RPRD2: variants seen among roughly 807,000 people sequenced by gnomAD.
The protein encoded by RPRD2 is regulation of nuclear pre-mRNA domain containing 2, also known as regulation of nuclear pre-mRNA domain-containing protein 2.
Under a neutral mutation model 104.4 loss-of-function variants are expected in RPRD2, and 12 were observed. The ratio of observed to expected loss-of-function variants is 0.11; its 90% CI spans 0.07 to 0.19. The LOEUF (loss-of-function observed/expected upper bound fraction) is 0.19. RPRD2 is among the 10% of genes least tolerant of loss of function. RPRD2 has a pLI of 1.00. For synonymous variants in RPRD2, 714 were observed against 684.9 expected, an observed-to-expected ratio of 1.04 and a Z score of -0.66; for missense variants, 1,543 against 1,790.1, an observed-to-expected ratio of 0.86 and a Z score of 2.49.
At chr1:150,430,165 T>C (rs587696604) in intron 2 of RPRD2, among the ~76,000 whole-genome samples, 8 of 152,264 alleles carry the variant, frequency 5.3e-5, no homozygotes, top group Non-Finnish European at 8.8e-5. Context: ...CCTTCCCAAA[T>C]GAGTTTCAGA....
intron 7 of RPRD2, among the ~76,000 whole-genome samples, chr1:150,456,446 GTGA>G (rs1448647153): frequency 9.9e-5 from 15 of 152,028 alleles, no homozygotes; most frequent in African/African-American, 3.6e-4. Context: ...AGCAATGTAC[GTGA>G]TTAATAATAG....
At chr1:150,455,230 G>A (rs1553897323) in intron 7 of RPRD2, among the ~76,000 whole-genome samples, 2 of 152,108 alleles carry the variant, frequency 1.3e-5, no homozygotes, top group Non-Finnish European at 2.9e-5. Flanking sequence ...CAGGCCGGGC[G>A]CGATGGCTTA....
In RPRD2 at chr1:150,470,725, T is replaced by A. The variant is rs1668532538; in HGVS notation, c.1777T>A (p.Ser593Thr). ...TTTTATTCCCAAAAGCTTCAACTATTCTCCTAACTCATCAACTTCTGAAGT... is the reference window on the plus strand; with the variant it reads ...TTTTATTCCCAAAAGCTTCAACTATACTCCTAACTCATCAACTTCTGAAGT... The part of the protein sequence containing the change: ...QPFIPKSFNY[S>T]PNSSTSEVSS... Residue 593 changes from serine (S) to threonine (T), a missense_variant, in exon 11 of 11, where the codon TCT (serine) becomes ACT (threonine). By Grantham distance (58) the Ser-to-Thr change is moderately conservative. This residue lies in a region of RPRD2 where 572 missense variants were observed against 787.3 expected (regional missense o/e 0.73). Coordinates refer to ENST00000369068, the MANE Select transcript of RPRD2 (RefSeq NM_015203.5). 6.2e-7 allele frequency: 1 copy of A among 1,613,846 alleles called. No homozygotes were observed. The highest frequency in any genetic ancestry group is 8.5e-7 in the Non-Finnish European group (1 of 1,179,882).
chr1:150,468,368 A>T (rs998885357), intron 10 of RPRD2, among the ~76,000 whole-genome samples: 9 of 150,822 alleles, frequency 6.0e-5, no homozygotes, highest in Middle Eastern at 3.4e-3. Flanking sequence ...AAAAAAAAAG[A>T]TTGGAGAACA....
Position 150,476,535 on chromosome 1 carries a change from T to G in RPRD2, c.*3201T>G, listed in dbSNP as rs1185670305. The G allele has an allele frequency of 1.3e-5, 2 of 152,234 alleles. No individual in the cohort carries two copies. Among genetic ancestry groups the G allele is most frequent in the African/African-American group, 4.8e-5 (2 of 41,464 alleles). 9.4% of individuals were successfully genotyped at this position (152,234 alleles called of 1,614,324 possible). ...AATGAAATCCTTTTGAAATGTGTGTTAATATCGTTTAATAAAATAACTAGT... is the reference window on the plus strand; with the variant it reads ...AATGAAATCCTTTTGAAATGTGTGTGAATATCGTTTAATAAAATAACTAGT... On this transcript the variant is annotated 3_prime_UTR_variant, in exon 11 of 11. Coordinates refer to ENST00000369068, the MANE Select transcript of RPRD2 (RefSeq NM_015203.5).
chr1:150,467,593 C>T (rs587649863), intron 10 of RPRD2, among the ~76,000 whole-genome samples: 6 of 152,004 alleles, frequency 3.9e-5, no homozygotes, highest in South Asian at 4.2e-4. Flanking sequence ...AGGCTGGTCT[C>T]GAACTCCTGA....
chr1:150,411,854 G>A (rs1215482395), intron 1 of RPRD2, among the ~76,000 whole-genome samples: 3 of 149,980 alleles, frequency 2.0e-5, no homozygotes, highest in Non-Finnish European at 3.0e-5. Flanking sequence ...GGCTAGGCGC[G>A]GTGGCTCACG....
chr1:150,419,036 G>C (rs1553889103), intron 2 of RPRD2, among the ~76,000 whole-genome samples: 1 of 152,012 alleles, frequency 6.6e-6, no homozygotes, highest in East Asian at 1.9e-4. Context: ...CAAAACCACA[G>C]CATTTCCTAA....
At chr1:150,393,511 A>AG (rs1171886051) in intron 1 of RPRD2, among the ~76,000 whole-genome samples, 3 of 149,912 alleles carry the variant, frequency 2.0e-5, no homozygotes, top group Non-Finnish European at 4.5e-5. Flanking sequence ...AAGACTGTTG[A>AG]GGAGCAGTAT....
intron 1 of RPRD2, among the ~76,000 whole-genome samples, chr1:150,377,210 GA>G (rs1442392297): frequency 6.7e-6 from 1 of 148,492 alleles, no homozygotes; most frequent in South Asian, 2.1e-4. Context: ...ACTATCTCCA[GA>G]AAAAAAAAGA....
intron 2 of RPRD2, among the ~76,000 whole-genome samples, chr1:150,423,037 T>G (rs1664870442): frequency 6.6e-6 from 1 of 152,246 alleles, no homozygotes. Flanking sequence ...GTATTTTAGA[T>G]ATACTAGTTA....
At chr1:150,394,842 A>G (rs1662366685) in intron 1 of RPRD2, among the ~76,000 whole-genome samples, 1 of 152,172 alleles carries the variant, frequency 6.6e-6, no homozygotes, top group African/African-American at 2.4e-5. Context: ...CGGCCTCCCA[A>G]AGTGTTGGGA....
At chr1:150,458,805 G>A (rs1202466487) in intron 8 of RPRD2, among the ~76,000 whole-genome samples, 2 of 151,846 alleles carry the variant, frequency 1.3e-5, no homozygotes, top group Non-Finnish European at 2.9e-5. Flanking sequence ...CACCACACCC[G>A]GCTATTTTTT....
chr1:150,426,079 C>T (rs1467950876), intron 2 of RPRD2, among the ~76,000 whole-genome samples: 1 of 152,032 alleles, frequency 6.6e-6, no homozygotes, highest in Non-Finnish European at 1.5e-5. Flanking sequence ...CTGCCTTGAG[C>T]GACAGAGTGA....
chr1:150,421,332 A>G (rs951603908), intron 2 of RPRD2, among the ~76,000 whole-genome samples: 4 of 152,252 alleles, frequency 2.6e-5, no homozygotes, highest in African/African-American at 9.6e-5. Context: ...TGAGGCTTTT[A>G]TAAAATTTCA....
chr1:150,386,110 G>A (rs1572369042), intron 1 of RPRD2, among the ~76,000 whole-genome samples: 1 of 152,180 alleles, frequency 6.6e-6, no homozygotes, highest in East Asian at 1.9e-4. Context: ...ACCATATTTT[G>A]GTTCTTACCT....
intron 2 of RPRD2, among the ~76,000 whole-genome samples, chr1:150,437,353 G>C (rs1666075122): frequency 6.6e-6 from 1 of 152,070 alleles, no homozygotes; most frequent in African/African-American, 2.4e-5. Context: ...AATATTAGCT[G>C]GGTGTGGTGG....
intron 1 of RPRD2, among the ~76,000 whole-genome samples, chr1:150,377,339 G>A (rs1260079079): frequency 1.3e-5 from 2 of 152,234 alleles, no homozygotes; most frequent in East Asian, 3.9e-4. Flanking sequence ...GGTGGCTCAC[G>A]CCTGTAATCC....
chr1:150,398,811 G>GT (rs1662747480), intron 1 of RPRD2, among the ~76,000 whole-genome samples: 1 of 152,084 alleles, frequency 6.6e-6, no homozygotes, highest in Admixed American at 6.6e-5. Context: ...CCAAAGTGCT[G>GT]TGGTTACAGG....
Sources: gnomAD v4.1 joint callset for allele counts (sites outside exome capture counted in the v4.1 genomes callset) on GRCh38, gnomAD v4.1.1 for gene constraint, gnomAD v4.1.1 regional missense constraint, MANE v1.5 for transcripts, NCBI Gene and HGNC (gene_info 2026-07-23, HGNC 2026-07-21) for gene names.